The following SEZ6 variants were observed in gnomAD, a reference collection of about 807,000 sequenced individuals.
SEZ6 encodes seizure related 6 homolog.
SEZ6 carries 53 observed loss-of-function variants against 101.0 expected under a neutral mutation model. The observed-to-expected ratio is 0.52, with a 90% CI of 0.42 to 0.66. The LOEUF (loss-of-function observed/expected upper bound fraction) is 0.66, where lower values mean the gene tolerates loss of function less well. SEZ6 is among the 30% of genes least tolerant of loss of function. SEZ6 has a pLI of 0.00. For missense variants in SEZ6, 1,102 were observed against 1,289.4 expected, an observed-to-expected ratio of 0.85 and a Z score of 2.23; for synonymous variants, 488 against 512.2, an observed-to-expected ratio of 0.95 and a Z score of 0.64.
At chr17:28,998,818 G>A (rs1234152802) in intron 1 of SEZ6, among the ~76,000 whole-genome samples, 1 of 152,180 alleles carries the variant, frequency 6.6e-6, no homozygotes, top group East Asian at 1.9e-4. Context: ...AGACCCAGAG[G>A]CAAACTCTTT....
chr17:28,964,385 G>A (rs2041030952), intron 4 of SEZ6, among the ~76,000 whole-genome samples: 2 of 152,168 alleles, frequency 1.3e-5, no homozygotes, highest in Admixed American at 6.5e-5. Flanking sequence ...TTAGGTTCTG[G>A]CTCAAGCTTT....
At position 29,005,235 on chromosome 17, in the gene SEZ6, A is replaced by G. The variant is rs924655191; in HGVS notation, c.55+580T>C. Among the ~76,000 whole-genome samples the G allele has an allele frequency of 6.6e-6, 1 of 152,116 alleles. No homozygotes were observed. The highest frequency in any genetic ancestry group is 6.5e-5 in the Admixed American group (1 of 15,282). On this transcript the variant is annotated intron_variant, in intron 1 of 16. Transcript: ENST00000317338. The surrounding 1 kb of genome is among the most constrained non-coding windows in gnomAD (Gnocchi z 4.8). The stretch of plus-strand genomic sequence containing the variant: ...CAGGCCCTTGGAGTTTCTCTCTAGA[A>G]TTGTGCTCTAGGTCCCGACTCTGGC...
chr17:28,959,677 C>G lies in SEZ6; in HGVS notation c.1771+21G>C. 1 of 1,563,900 alleles carries G rather than the reference C, an allele frequency of 6.4e-7. No individual in the cohort carries two copies. The highest frequency in any genetic ancestry group is 8.7e-7 in the Non-Finnish European group (1 of 1,154,056). On this transcript the variant is annotated intron_variant, in intron 8 of 16. Coordinates refer to ENST00000317338, the MANE Select transcript of SEZ6 (RefSeq NM_178860.5). The surrounding 1 kb of genome is among the most constrained non-coding windows in gnomAD (Gnocchi z 4.4). The stretch of plus-strand genomic sequence containing the variant: ...GACCCTGCCTTTTGCCCGGTAGGCC[C>G]ATCCACTGGTGTCTACTGACCTCGG...
rs769298660 is a variant in SEZ6 at position 28,981,971 on chromosome 17, G to A, written c.124C>T (p.Leu42=). 7.4e-6 allele frequency: 12 copies of A among 1,613,252 alleles called. No homozygotes were observed. The highest frequency in any genetic ancestry group is 8.5e-6 in the Non-Finnish European group (10 of 1,179,630). ...APGIEETDGE[L]TAAPTPEQPE... Reference sequence around the variant, plus strand: ...TGCTCAGGTGTGGGGGCTGCTGTCAGCTCGCCATCTGTCTCCTCGATGCCT... The same window carrying A: ...TGCTCAGGTGTGGGGGCTGCTGTCAACTCGCCATCTGTCTCCTCGATGCCT... Residue 42 remains leucine, a synonymous_variant, in exon 2 of 17, where the codon CTG becomes TTG. Coordinates refer to ENST00000317338, the MANE Select transcript of SEZ6 (RefSeq NM_178860.5).
chr17:28,955,332 C>T lies in SEZ6; in HGVS notation c.*630G>A, dbSNP rs551957029. ...TGGAGCATGAGTGCCCAGGGAAGCC[C>T]AACCTGAGGTGGGGGTAGGGTCCCC... On this transcript the variant is annotated 3_prime_UTR_variant, in exon 17 of 17. Transcript: ENST00000317338. The T allele has an allele frequency of 1.5e-4, 39 of 256,440 alleles. No individual in the cohort carries two copies. The highest frequency in any genetic ancestry group is 8.2e-4 in the African/African-American group (37 of 45,102). 15.9% of individuals were successfully genotyped at this position (256,440 alleles called of 1,614,324 possible).
At position 28,982,918 on chromosome 17, in the gene SEZ6, C is replaced by T. The variant is rs115069557; in HGVS notation, c.56-879G>A. ...CAAACTCCTGGGCTCAAGCAATCCTCTCACCTCAGCCTCCTAGGGATTACA... is the reference window on the plus strand; with the variant it reads ...CAAACTCCTGGGCTCAAGCAATCCTTTCACCTCAGCCTCCTAGGGATTACA... On this transcript the variant is annotated intron_variant, in intron 1 of 16. Coordinates refer to ENST00000317338, the MANE Select transcript of SEZ6 (RefSeq NM_178860.5). 8.3e-3 allele frequency among the ~76,000 whole-genome samples: 1,271 copies of T among 152,340 alleles called. 22 individuals carry two copies. The highest frequency in any genetic ancestry group is 0.029 in the African/African-American group (1,221 of 41,578).
At position 28,981,503 on chromosome 17, in the gene SEZ6, C is replaced by T. The variant is rs752558443; in HGVS notation, c.592G>A (p.Glu198Lys). Residue 198 changes from glutamate (E) to lysine (K), a missense_variant, in exon 2 of 17, where the codon GAG (glutamate) becomes AAG (lysine). Glu to Lys is a moderately conservative substitution (Grantham distance 56). This residue lies in a region of SEZ6 where 406 missense variants were observed against 418.6 expected (regional missense o/e 0.97). Coordinates refer to ENST00000317338, the MANE Select transcript of SEZ6 (RefSeq NM_178860.5). ...ATCCCTGCGCCCTGGGACACAACCT[C>T]TGCAACCCACGGCCTTCCCATGTCT... is the stretch of plus-strand genomic sequence containing the variant. ...PGDMGRPWVA[E>K]VVSQGAGIGI... The T allele has an allele frequency of 6.5e-5, 104 of 1,607,850 alleles. No individual in the cohort carries two copies. The highest frequency in any genetic ancestry group is 8.5e-5 in the Non-Finnish European group (100 of 1,177,110).
At chr17:29,000,552 T>C (rs1568005349) in intron 1 of SEZ6, among the ~76,000 whole-genome samples, 1 of 152,212 alleles carries the variant, frequency 6.6e-6, no homozygotes, top group Admixed American at 6.5e-5. Context: ...GGGCCTGCTC[T>C]TTTAGGAGTT....
chr17:28,994,870 ACTTTT>A (rs779841222), intron 1 of SEZ6, among the ~76,000 whole-genome samples: 17 of 149,462 alleles, frequency 1.1e-4, no homozygotes, highest in East Asian at 9.8e-4. Context: ...TTGACTTGCC[ACTTTT>A]CTTTTCTTTT....
chr17:29,003,348 A>G (rs759542457), intron 1 of SEZ6, among the ~76,000 whole-genome samples: 3 of 152,164 alleles, frequency 2.0e-5, no homozygotes, highest in Non-Finnish European at 4.4e-5. Flanking sequence ...GCAGAAGGGA[A>G]TAGGGGACTG....
chr17:28,967,805 C>T (rs1474140009), intron 4 of SEZ6, among the ~76,000 whole-genome samples: 1 of 152,058 alleles, frequency 6.6e-6, no homozygotes, highest in African/African-American at 2.4e-5. Flanking sequence ...GACAATGAAG[C>T]CCCCAGACTC....
At chr17:28,966,260 A>C (rs4794844) in intron 4 of SEZ6, among the ~76,000 whole-genome samples, 51,382 of 150,562 alleles carry the variant, frequency 0.34, 10,237 homozygotes, top group African/African-American at 0.56. Context: ...GCAGGTGGAT[A>C]ACAAAATCAG....
At chr17:28,964,986 G>T (rs2041041768) in intron 4 of SEZ6, among the ~76,000 whole-genome samples, 1 of 151,908 alleles carries the variant, frequency 6.6e-6, no homozygotes, top group South Asian at 2.1e-4. Context: ...AACCCGGGAG[G>T]TGGAGGTTGT....
chr17:28,956,646 A>G, intron 14 of SEZ6, 73 bp downstream of exon 14: 1 of 1,543,184 alleles, frequency 6.5e-7, no homozygotes, highest in Non-Finnish European at 8.8e-7. Context: ...CTCCTTGGGA[A>G]GCCCATGACC....
chr17:29,000,149 A>G (rs899911401), intron 1 of SEZ6, among the ~76,000 whole-genome samples: 2 of 152,160 alleles, frequency 1.3e-5, no homozygotes, highest in African/African-American at 2.4e-5. Context: ...TACCATATAA[A>G]TGTTTGCTAT....
chr17:28,962,643 T>C (rs1425726515), intron 5 of SEZ6, among the ~76,000 whole-genome samples: 1 of 151,222 alleles, frequency 6.6e-6, no homozygotes, highest in Non-Finnish European at 1.5e-5. Context: ...TAGCTGGGTA[T>C]GGTGGCATGC....
In SEZ6 at chr17:28,969,898, C is replaced by T. The variant is rs1258376955; in HGVS notation, c.913G>A (p.Gly305Arg). 5.8e-6 allele frequency: 9 copies of T among 1,546,396 alleles called. No homozygotes were observed. The highest frequency in any genetic ancestry group is 1.2e-5 in the South Asian group (1 of 80,960). Residue 305 changes from glycine (G) to arginine (R), a missense_variant, in exon 4 of 17, where the codon GGG (glycine) becomes AGG (arginine). Gly to Arg is a moderately radical substitution (Grantham distance 125). Coordinates refer to ENST00000317338, the MANE Select transcript of SEZ6 (RefSeq NM_178860.5). ...TTGGCCAGGGGCAGTGGGTCAGGCC[C>T]CCCCAGGCCTTCCACAGTCACTGTC... ...GETVTVEGLG[G>R]PDPLPLANQS...
chr17:28,962,198 G>T (rs770274018), intron 5 of SEZ6, among the ~76,000 whole-genome samples: 10 of 152,182 alleles, frequency 6.6e-5, no homozygotes, highest in Non-Finnish European at 1.3e-4. Context: ...TTTCATGCCT[G>T]CACATCTCTG....
In SEZ6 at chr17:29,005,780, C is replaced by T. The variant is rs1277835239; in HGVS notation, c.55+35G>A. Reference sequence around the variant, plus strand: ...TCCCACCCCTGGGGCCCCGCTCCCGCCCCCGTCCTGCCGCCGGATGCCGGG... The same window carrying T: ...TCCCACCCCTGGGGCCCCGCTCCCGTCCCCGTCCTGCCGCCGGATGCCGGG... On this transcript the variant is annotated intron_variant, in intron 1 of 16. Transcript: ENST00000317338. The surrounding 1 kb of genome is among the most constrained non-coding windows in gnomAD (Gnocchi z 4.8). 6.8e-7 allele frequency: 1 copy of T among 1,476,810 alleles called. No homozygotes were observed. Among genetic ancestry groups the T allele is most frequent in the Non-Finnish European group, 9.0e-7 (1 of 1,113,478 alleles). 91.5% of individuals were successfully genotyped at this position (1,476,810 alleles called of 1,614,324 possible). A position where few individuals can be genotyped will look rare whatever the true frequency, so the allele number is the denominator to read the frequency against.
Sources: allele counts gnomAD v4.1 joint callset (sites outside exome capture counted in the v4.1 genomes callset), GRCh38; gene constraint gnomAD v4.1.1; regional missense constraint gnomAD v4.1.1; non-coding constraint Gnocchi (gnomAD v3.1); transcripts MANE v1.5; gene names NCBI Gene and HGNC (gene_info 2026-07-23, HGNC 2026-07-21).